The following CLCN3 variants were observed in gnomAD, a reference collection of about 807,000 sequenced individuals.
CLCN3 encodes the protein Cl-/H+ antiporter 3, also known as H(+)/Cl(-) exchange transporter 3.
In CLCN3, 16 loss-of-function variants were observed where a neutral mutation model predicts 83.4. The observed-to-expected ratio is 0.19, with a 90% CI of 0.13 to 0.29. The LOEUF (loss-of-function observed/expected upper bound fraction) is 0.29. Ranked by LOEUF, CLCN3 falls within the 10% of genes least tolerant of loss-of-function variation. CLCN3 has a pLI of 1.00. For missense variants in CLCN3, 544 were observed against 1,006.0 expected (o/e 0.54, Z 6.21); for synonymous variants, 322 against 346.2 (o/e 0.93, Z 0.78).
chr4:169,660,865 A>T (rs977336284), intron 2 of CLCN3, among the ~76,000 whole-genome samples: 1 of 152,194 alleles, frequency 6.6e-6, no homozygotes, highest in Non-Finnish European at 1.5e-5. Flanking sequence ...AGCTGCTGCC[A>T]ATTACCATGT....
chr4:169,718,403 A>G (rs1288536383), intron 12 of CLCN3, among the ~76,000 whole-genome samples: 1 of 152,144 alleles, frequency 6.6e-6, no homozygotes, highest in African/African-American at 2.4e-5. Flanking sequence ...TGTAATGTGT[A>G]TATTATTTGT....
At chr4:169,689,255 G>A in intron 5 of CLCN3, 25 bp downstream of exon 5, 1 of 1,578,482 alleles carries the variant, frequency 6.3e-7, no homozygotes, top group Non-Finnish European at 8.6e-7. Context: ...GTCTCAAGAT[G>A]AATTAATAAT....
At chr4:169,653,075 AATGTGGTCCT>A (rs1473881886) in intron 2 of CLCN3, among the ~76,000 whole-genome samples, 1 of 152,182 alleles carries the variant, frequency 6.6e-6, no homozygotes, top group Non-Finnish European at 1.5e-5. Context: ...TCTTAGTTGT[AATGTGGTCCT>A]ATGTGTTAAT....
At chr4:169,635,877 T>C (rs1773487793) in intron 1 of CLCN3, 36 bp from the exon 2 acceptor site, 2 of 1,469,306 alleles carry the variant, frequency 1.4e-6, no homozygotes, top group Non-Finnish European at 1.8e-6. Flanking sequence ...TATTGTATGT[T>C]TGAAAAATGT....
Position 169,697,468 on chromosome 4 carries a change from A to G in CLCN3, c.1297A>G (p.Ile433Val). ...AAAGTATCCCGTTCTGGAAGTCATTATTGTTGCAGCCATTACTGCTGTGAT... is the reference window on the plus strand; with the variant it reads ...AAAGTATCCCGTTCTGGAAGTCATTGTTGTTGCAGCCATTACTGCTGTGAT... ...FGKYPVLEVI[I>V]VAAITAVIAF... The change falls in exon 9 of 13, where the codon ATT becomes GTT. Residue 433 changes from isoleucine (I) to valine (V), a missense_variant. Coordinates refer to ENST00000513761, the MANE Select transcript of CLCN3 (RefSeq NM_001829.4). 1.2e-6 allele frequency: 2 copies of G among 1,614,190 alleles called. No homozygotes were observed. The highest frequency in any genetic ancestry group is 1.7e-6 in the Non-Finnish European group (2 of 1,180,032).
chr4:169,659,251 C>T (rs1230847984), intron 2 of CLCN3, among the ~76,000 whole-genome samples: 2 of 152,140 alleles, frequency 1.3e-5, no homozygotes, highest in Non-Finnish European at 2.9e-5. Flanking sequence ...AAATATTGAA[C>T]TCTGATCTTC....
chr4:169,674,084 C>T (rs760817765), intron 2 of CLCN3, among the ~76,000 whole-genome samples: 2 of 152,200 alleles, frequency 1.3e-5, no homozygotes, highest in Non-Finnish European at 2.9e-5. Flanking sequence ...AGTTGTCCCA[C>T]TGTGTCCTTT....
chr4:169,679,254 G>T (rs534178550), intron 2 of CLCN3, among the ~76,000 whole-genome samples: 1 of 151,690 alleles, frequency 6.6e-6, no homozygotes, highest in Admixed American at 6.5e-5. Flanking sequence ...TCCCAGAGGG[G>T]GCGGCCGGGC....
Position 169,720,411 on chromosome 4 carries a change from T to TGA in CLCN3, c.*416_*417dup, listed in dbSNP as rs1733591906. ...TATTTCTAGAGGGATTACTTTGAAT[T>TGA]GAGCCATCTATAAAACTGCAAGGTC... On this transcript the variant is annotated 3_prime_UTR_variant, in exon 13 of 13. Transcript: ENST00000513761. 1 of 184,066 alleles carries TGA rather than the reference T, an allele frequency of 5.4e-6. No homozygotes were observed. Among genetic ancestry groups the TGA allele is most frequent in the African/African-American group, 2.3e-5 (1 of 42,660 alleles). 11.4% of individuals were successfully genotyped at this position (184,066 alleles called of 1,614,324 possible).
At position 169,706,948 on chromosome 4, in the gene CLCN3, A is replaced by G; in HGVS notation, c.1831A>G (p.Met611Val). ...TGGLEYIVPL[M>V]AAVMTSKWVG... Reference sequence around the variant, plus strand: ...AGGCTTGGAATATATTGTTCCCCTTATGGCTGCAGTCATGACCAGTAAATG... The same window carrying G: ...AGGCTTGGAATATATTGTTCCCCTTGTGGCTGCAGTCATGACCAGTAAATG... The change falls in exon 11 of 13, where the codon ATG becomes GTG. Residue 611 changes from methionine (M) to valine (V), a missense_variant. Met to Val is a conservative substitution (Grantham distance 21). Transcript: ENST00000513761. 1 of 1,614,124 alleles carries G rather than the reference A, an allele frequency of 6.2e-7. No individual in the cohort carries two copies. Among genetic ancestry groups the G allele is most frequent in the Non-Finnish European group, 8.5e-7 (1 of 1,179,998 alleles).
intron 1 of CLCN3, among the ~76,000 whole-genome samples, chr4:169,632,779 C>A (rs1581188397): frequency 7.4e-6 from 1 of 135,870 alleles, no homozygotes; most frequent in African/African-American, 2.7e-5. Context: ...CTGCATAGAA[C>A]TTTTTCTGCT....
chr4:169,670,947 A>T (rs1731435236), intron 2 of CLCN3, among the ~76,000 whole-genome samples: 1 of 152,232 alleles, frequency 6.6e-6, no homozygotes, highest in African/African-American at 2.4e-5. Context: ...TCAAAAAAGA[A>T]TAGATGTGGG....
At chr4:169,663,253 T>G (rs1731124018) in intron 2 of CLCN3, 1 of 152,184 alleles carries the variant, frequency 6.6e-6, no homozygotes, top group African/African-American at 2.4e-5. Context: ...ATAGTAATAT[T>G]AATAATAGTT....
At chr4:169,663,531 A>C (rs1320173112) in intron 2 of CLCN3, 1 of 280,190 alleles carries the variant, frequency 3.6e-6, no homozygotes, top group Non-Finnish European at 7.1e-6. Flanking sequence ...TTTTAGGGAG[A>C]GTCTCACTAT....
intron 9 of CLCN3, 118 bp from the exon 10 acceptor site, chr4:169,703,880 G>A: frequency 1.1e-6 from 1 of 928,248 alleles, no homozygotes; most frequent in South Asian, 1.8e-5. Context: ...CTAGGATTTT[G>A]CTATATTAAT....
intron 2 of CLCN3, among the ~76,000 whole-genome samples, chr4:169,659,709 G>A (rs1424933845): frequency 1.5e-4 from 23 of 151,648 alleles, no homozygotes. Context: ...AAAGGCTGCT[G>A]TATTATAGAG....
chr4:169,664,334 C>CT (rs1291927754), intron 2 of CLCN3, among the ~76,000 whole-genome samples: 1 of 152,072 alleles, frequency 6.6e-6, no homozygotes, highest in African/African-American at 2.4e-5. Flanking sequence ...CTAAATAAAG[C>CT]TTTTTTGGGT....
intron 1 of CLCN3, among the ~76,000 whole-genome samples, chr4:169,631,934 T>C (rs2150199683): frequency 6.6e-6 from 1 of 152,058 alleles, no homozygotes. Context: ...ATAAAAAATC[T>C]ACCAACCAGA....
rs1324824159 is a variant in CLCN3, at chr4:169,720,642, C to G, written c.*645C>G. 1 of 151,922 alleles carries G rather than the reference C, an allele frequency of 6.6e-6. No homozygotes were observed. The highest frequency in any genetic ancestry group is 2.4e-5 in the African/African-American group (1 of 41,202). The allele number at this position is 151,922 out of a possible 1,614,324, so 9.4% of individuals were successfully genotyped here. A position where few individuals can be genotyped will look rare whatever the true frequency, so the allele number is the denominator to read the frequency against. On this transcript the variant is annotated 3_prime_UTR_variant, in exon 13 of 13. Coordinates refer to ENST00000513761, the MANE Select transcript of CLCN3 (RefSeq NM_001829.4). Reference sequence around the variant, plus strand: ...CATATTGAGATGTACTGTGATTTTACTGAGGTTTCATCACAAGAAGGGAGT... The same window carrying G: ...CATATTGAGATGTACTGTGATTTTAGTGAGGTTTCATCACAAGAAGGGAGT...
Sources: allele counts gnomAD v4.1 joint callset (sites outside exome capture counted in the v4.1 genomes callset), GRCh38; gene constraint gnomAD v4.1.1; transcripts MANE v1.5; gene names NCBI Gene and HGNC (gene_info 2026-07-23, HGNC 2026-07-21).